SAMD4A: variants seen among roughly 807,000 people sequenced by gnomAD.
SAMD4A encodes sterile alpha motif domain containing 4A, also known as protein Smaug homolog 1.
Under a neutral mutation model 81.3 loss-of-function variants are expected in SAMD4A, and 33 were observed. The observed-to-expected ratio is 0.41, with a 90% confidence interval of 0.31 to 0.54. The LOEUF (loss-of-function observed/expected upper bound fraction) is 0.54, where lower values mean the gene tolerates loss of function less well. SAMD4A is among the 20% of genes least tolerant of loss of function. The pLI, the probability that SAMD4A is intolerant of heterozygous loss-of-function variation, is 0.37. For synonymous variants in SAMD4A, 389 were observed against 382.1 expected, an observed-to-expected ratio of 1.02 and a Z score of -0.21; for missense variants, 854 against 951.1, an observed-to-expected ratio of 0.90 and a Z score of 1.34.
intron 2 of SAMD4A, among the ~76,000 whole-genome samples, chr14:54,626,051 TGTGTGTGTGCGCGCGCGCGCGCGC>T (rs1452012366): frequency 1.5e-5 from 2 of 129,536 alleles, no homozygotes; most frequent in Admixed American, 7.6e-5. Context: ...TGTGTGTGTG[TGTGTGTGTGCGCGCGCGCGCGCGC>T]GAGTGCGCAC....
At chr14:54,631,845 A>G (rs1014833996) in intron 2 of SAMD4A, among the ~76,000 whole-genome samples, 3 of 152,338 alleles carry the variant, frequency 2.0e-5, no homozygotes, top group South Asian at 2.1e-4. Flanking sequence ...TTATACTAAG[A>G]AACTTAAGTG....
Position 54,774,835 on chromosome 14 carries a change from A to G in SAMD4A, c.1716-99A>G, listed in dbSNP as rs2038797629. 7.5e-6 allele frequency: 7 copies of G among 937,316 alleles called. No individual in the cohort carries two copies. In the South Asian group the frequency reaches 1.2e-4, roughly 16 times the overall value. 58.1% of individuals were successfully genotyped at this position (937,316 alleles called of 1,614,324 possible). Reference sequence around the variant, plus strand: ...ACTCAAAAAAAAAAAAAAAAAAAAAATGAGGAGACCTCCAAGGCGACATCC... The same window carrying G: ...ACTCAAAAAAAAAAAAAAAAAAAAAGTGAGGAGACCTCCAAGGCGACATCC... On this transcript the variant is annotated intron_variant, in intron 9 of 12. Transcript: ENST00000554335.
intron 2 of SAMD4A, among the ~76,000 whole-genome samples, chr14:54,632,048 T>C (rs2034916196): frequency 6.6e-6 from 1 of 152,180 alleles, no homozygotes; most frequent in Non-Finnish European, 1.5e-5. Context: ...TCCTGGAGCT[T>C]ACATTCTAGT....
chr14:54,639,258 C>T (rs1263631523), intron 2 of SAMD4A, among the ~76,000 whole-genome samples: 1 of 152,212 alleles, frequency 6.6e-6, no homozygotes, highest in African/African-American at 2.4e-5. Flanking sequence ...CACGAAATAA[C>T]CGGCAGCTGT....
chr14:54,754,897 C>T lies in SAMD4A; in HGVS notation c.1176+3360C>T, dbSNP rs578202060. 23 of 977,550 alleles carry T rather than the reference C, an allele frequency of 2.4e-5. No individual in the cohort carries two copies. In the African/African-American group the frequency reaches 2.8e-4, roughly 12 times the overall value. 60.6% of individuals were successfully genotyped at this position (977,550 alleles called of 1,614,324 possible). ...TTTGCCCCATCCATTGGAGATTAAC[C>T]GTGAGTCATACATGGTTCCTGCAAT... On this transcript the variant is annotated intron_variant, in intron 6 of 12. Transcript: ENST00000554335.
At chr14:54,729,249 C>T (rs915630943) in intron 3 of SAMD4A, among the ~76,000 whole-genome samples, 12 of 152,026 alleles carry the variant, frequency 7.9e-5, no homozygotes, top group African/African-American at 2.9e-4. Flanking sequence ...TAGGTGGTGC[C>T]GTTAAGCGCG....
At chr14:54,651,556 A>T (rs2035403824) in intron 2 of SAMD4A, among the ~76,000 whole-genome samples, 1 of 152,244 alleles carries the variant, frequency 6.6e-6, no homozygotes, top group South Asian at 2.1e-4. Flanking sequence ...GAATTTAAAC[A>T]TATTAAAGAG....
At chr14:54,781,437 TG>T (rs1206478689) in intron 11 of SAMD4A, among the ~76,000 whole-genome samples, 6 of 152,232 alleles carry the variant, frequency 3.9e-5, no homozygotes, top group Non-Finnish European at 8.8e-5. Context: ...ACTCCATACG[TG>T]TGGGACTTCT....
chr14:54,693,271 G>A (rs2036497279), intron 2 of SAMD4A: 1 of 152,214 alleles, frequency 6.6e-6, no homozygotes, highest in African/African-American at 2.4e-5. Flanking sequence ...AACAGTTTGT[G>A]TGTGACAGTT....
At chr14:54,670,697 A>G (rs147902175) in intron 2 of SAMD4A, among the ~76,000 whole-genome samples, 13 of 152,198 alleles carry the variant, frequency 8.5e-5, no homozygotes, top group South Asian at 4.1e-4. Flanking sequence ...TATTGCTGCA[A>G]TTGTTGTCTT....
chr14:54,566,273 G>A (rs1168830804), upstream of SAMD4A, among the ~76,000 whole-genome samples: 3 of 151,352 alleles, frequency 2.0e-5, no homozygotes, highest in African/African-American at 4.8e-5. Context: ...CCGGACCCGC[G>A]CAAGGGCCCC....
chr14:54,692,372 C>T (rs533493007), intron 2 of SAMD4A, among the ~76,000 whole-genome samples: 49 of 152,190 alleles, frequency 3.2e-4, no homozygotes, highest in Non-Finnish European at 5.4e-4. Context: ...ATACTCCTCC[C>T]AAGATACTCC....
chr14:54,574,942 G>A lies in SAMD4A; in HGVS notation c.196+6830G>A, dbSNP rs569030258. On this transcript the variant is annotated intron_variant, in intron 2 of 12. Coordinates refer to ENST00000554335, the MANE Select transcript of SAMD4A (RefSeq NM_015589.6). Reference sequence around the variant, plus strand: ...GGCTCCCAGGTGATGTTGATGCTGCGTATCTGCGGACCATACTTTGAGGGT... The same window carrying A: ...GGCTCCCAGGTGATGTTGATGCTGCATATCTGCGGACCATACTTTGAGGGT... Among the ~76,000 whole-genome samples, 8 of 152,284 alleles carry A rather than the reference G, an allele frequency of 5.3e-5. No individual in the cohort carries two copies. In the East Asian group the frequency reaches 1.2e-3, roughly 22 times the overall value.
At chr14:54,660,086 A>G (rs1052845166) in intron 2 of SAMD4A, among the ~76,000 whole-genome samples, 22 of 151,880 alleles carry the variant, frequency 1.4e-4, no homozygotes, top group Admixed American at 7.9e-4. Flanking sequence ...TCTCAGAAAA[A>G]AAAAAAAAAG....
chr14:54,685,161 A>T (rs1335723769), intron 2 of SAMD4A, among the ~76,000 whole-genome samples: 3 of 140,910 alleles, frequency 2.1e-5, no homozygotes, highest in Non-Finnish European at 4.8e-5. Context: ...GTCCTGTGGC[A>T]TTAATTATAT....
Position 54,633,840 on chromosome 14 carries a change from G to T in SAMD4A, c.196+65728G>T, listed in dbSNP as rs117119843. Among the ~76,000 whole-genome samples, 1,388 of 152,196 alleles carry T rather than the reference G, an allele frequency of 9.1e-3. 12 individuals carry two copies. The highest frequency in any genetic ancestry group is 0.017 in the Admixed American group (262 of 15,290). On this transcript the variant is annotated intron_variant, in intron 2 of 12. Coordinates refer to ENST00000554335, the MANE Select transcript of SAMD4A (RefSeq NM_015589.6). ...ATATATCACTTAACATATGTAAAAT[G>T]CTTGGTACCTGCTAAACAAATATCA...
rs567831973 is a variant in SAMD4A at position 54,727,166 on chromosome 14, C to CTT, written c.716-9818_716-9817dup. 2.5e-3 allele frequency among the ~76,000 whole-genome samples: 147 copies of CTT among 59,176 alleles called. 29 individuals are homozygous for CTT. Among genetic ancestry groups the CTT allele is most frequent in the East Asian group, 5.7e-3 (9 of 1,590 alleles). 38.8% of individuals were successfully genotyped at this position (59,176 alleles called of 152,430 possible). A position where few individuals can be genotyped will look rare whatever the true frequency, so the allele number is the denominator to read the frequency against. ...TTATCACAACAGCCTTCTTTTTTTC[C>CTT]TTTTTTTTTTTTTTTTTTTTTTTTT... On this transcript the variant is annotated intron_variant, in intron 3 of 12. Coordinates refer to ENST00000554335, the MANE Select transcript of SAMD4A (RefSeq NM_015589.6).
At chr14:54,639,914 T>C (rs889618522) in intron 2 of SAMD4A, among the ~76,000 whole-genome samples, 1 of 152,100 alleles carries the variant, frequency 6.6e-6, no homozygotes, top group African/African-American at 2.4e-5. Context: ...ATTGACAAAC[T>C]ACTCCTTTTT....
chr14:54,753,331 G>A (rs1439259740), intron 6 of SAMD4A, among the ~76,000 whole-genome samples: 1,580 of 111,418 alleles, frequency 0.014, no homozygotes, highest in African/African-American at 0.016. Flanking sequence ...ATTGAGACTA[G>A]AGAATGGCGA....
Sources: gnomAD v4.1 joint callset for allele counts (sites outside exome capture counted in the v4.1 genomes callset) on GRCh38, gnomAD v4.1.1 for gene constraint, MANE v1.5 for transcripts, NCBI Gene and HGNC (gene_info 2026-07-23, HGNC 2026-07-21) for gene names.